The following VAT1L variants were observed in gnomAD, a reference collection of about 807,000 sequenced individuals.
VAT1L encodes the protein putative NADPH-dependent quinone oxidoreductase VAT1L.
VAT1L carries 34 observed loss-of-function variants against 44.1 expected under a neutral mutation model. The observed-to-expected ratio is 0.77, with a 90% CI of 0.59 to 1.03. VAT1L has a LOEUF of 1.03. VAT1L is among the 50% of genes least tolerant of loss of function. The probability of loss-of-function intolerance (pLI) is 0.00; values close to 1 mark genes in which losing one functional copy is unlikely to be tolerated. For missense variants in VAT1L, 615 were observed against 538.8 expected, an observed-to-expected ratio of 1.14 and a Z score of -1.40; for synonymous variants, 253 against 202.2, an observed-to-expected ratio of 1.25 and a Z score of -2.13.
At chr16:77,946,175 C>T (rs2017960324) in intron 7 of VAT1L, among the ~76,000 whole-genome samples, 2 of 151,734 alleles carry the variant, frequency 1.3e-5, no homozygotes, top group Admixed American at 1.3e-4. Flanking sequence ...CTCTTGTACA[C>T]TCATAAGCAT....
At chr16:77,934,994 T>C (rs1011862958) in intron 7 of VAT1L, among the ~76,000 whole-genome samples, 14 of 151,968 alleles carry the variant, frequency 9.2e-5, no homozygotes, top group African/African-American at 3.4e-4. Flanking sequence ...CATCTTTGAG[T>C]ATAGGGGGGA....
chr16:77,899,136 A>G lies in VAT1L; in HGVS notation c.1077+14334A>G, dbSNP rs141884993. ...TAGACTCATGGCAATCCTGTAGGGA[A>G]AGAACTATTATTGCCCCCATTTTAC... is the stretch of plus-strand genomic sequence containing the variant. On this transcript the variant is annotated intron_variant, in intron 7 of 8. Transcript: ENST00000302536. Among the ~76,000 whole-genome samples the G allele has an allele frequency of 7.9e-5, 12 of 152,320 alleles. No homozygotes were observed. The East Asian group carries it at 2.3e-3, about 29-fold the overall frequency.
chr16:77,919,957 G>A (rs2017594228), intron 7 of VAT1L, among the ~76,000 whole-genome samples: 1 of 152,078 alleles, frequency 6.6e-6, no homozygotes, highest in African/African-American at 2.4e-5. Context: ...GGTGGTGGGT[G>A]CCTGTAATCC....
chr16:77,961,718 C>T (rs181224654), intron 7 of VAT1L, among the ~76,000 whole-genome samples: 2 of 152,278 alleles, frequency 1.3e-5, no homozygotes, highest in East Asian at 3.9e-4. Flanking sequence ...AATGCAGCCT[C>T]TTCTCCTTGG....
chr16:77,925,468 G>A (rs1029605273), intron 7 of VAT1L, among the ~76,000 whole-genome samples: 1 of 152,138 alleles, frequency 6.6e-6, no homozygotes, highest in Admixed American at 6.5e-5. Context: ...TTGTTTCGGG[G>A]TATTAAAGAG....
intron 3 of VAT1L, among the ~76,000 whole-genome samples, chr16:77,859,858 T>C (rs1031204292): frequency 3.3e-5 from 5 of 152,074 alleles, no homozygotes; most frequent in African/African-American, 1.2e-4. Context: ...GAGTGTTAAA[T>C]TGCATCCCAC....
At chr16:77,953,195 C>G (rs910873991) in intron 7 of VAT1L, among the ~76,000 whole-genome samples, 2 of 152,152 alleles carry the variant, frequency 1.3e-5, no homozygotes, top group Non-Finnish European at 2.9e-5. Flanking sequence ...GATTCTTTCT[C>G]AGAACCTCCA....
Position 77,945,144 on chromosome 16 carries a change from G to A in VAT1L, c.1078-26706G>A, listed in dbSNP as rs150373640. On this transcript the variant is annotated intron_variant, in intron 7 of 8. Transcript: ENST00000302536. The stretch of plus-strand genomic sequence containing the variant: ...AACCATCCAGAAGCTATCAGACCTA[G>A]TCTGTCCAATCTGTGGGGGCACAAA... Among the ~76,000 whole-genome samples, 296 of 152,272 alleles carry A rather than the reference G, an allele frequency of 1.9e-3. 2 individuals carry two copies. Among genetic ancestry groups the A allele is most frequent in the African/African-American group, 6.6e-3 (273 of 41,560 alleles).
chr16:77,892,426 G>T, intron 7 of VAT1L: 1 of 463,986 alleles, frequency 2.2e-6, no homozygotes, highest in Non-Finnish European at 4.2e-6. Context: ...GCTGCACCAT[G>T]GTCAATCCCA....
intron 1 of VAT1L, chr16:77,801,250 A>G (rs1166062222): frequency 1.3e-5 from 2 of 152,124 alleles, no homozygotes; most frequent in African/African-American, 2.4e-5. Context: ...AAGTGAAGGA[A>G]TTTGCTAACC....
At chr16:77,922,835 C>A (rs2017626602) in intron 7 of VAT1L, among the ~76,000 whole-genome samples, 1 of 152,206 alleles carries the variant, frequency 6.6e-6, no homozygotes, top group Admixed American at 6.5e-5. Context: ...CTTTCCAACC[C>A]ATGCCACTCT....
intron 7 of VAT1L, among the ~76,000 whole-genome samples, chr16:77,955,153 G>A (rs369335130): frequency 4.6e-5 from 7 of 152,196 alleles, no homozygotes; most frequent in East Asian, 3.9e-4. Flanking sequence ...TGGGGCAGGT[G>A]CATGCTCTTC....
chr16:77,815,366 C>T (rs940346922), intron 1 of VAT1L, among the ~76,000 whole-genome samples: 1 of 152,168 alleles, frequency 6.6e-6, no homozygotes, highest in Non-Finnish European at 1.5e-5. Flanking sequence ...TGCTATATTA[C>T]TTTGGGTCTG....
At chr16:77,951,075 C>T (rs1282950601) in intron 7 of VAT1L, among the ~76,000 whole-genome samples, 1 of 152,272 alleles carries the variant, frequency 6.6e-6, no homozygotes, top group African/African-American at 2.4e-5. Context: ...TTAACCTGAT[C>T]AAAGCTTCCA....
chr16:77,837,403 G>A (rs997434817), intron 3 of VAT1L, among the ~76,000 whole-genome samples: 6 of 152,092 alleles, frequency 3.9e-5, no homozygotes, highest in African/African-American at 1.4e-4. Context: ...ACTTCAAGCT[G>A]CTGCATCTAT....
intron 7 of VAT1L, among the ~76,000 whole-genome samples, chr16:77,895,844 G>A (rs1253169329): frequency 6.6e-6 from 1 of 152,234 alleles, no homozygotes; most frequent in Non-Finnish European, 1.5e-5. Flanking sequence ...GAAAGCCTGG[G>A]CCTATGCTTA....
chr16:77,880,387 C>T (rs12447014), intron 6 of VAT1L, among the ~76,000 whole-genome samples: 49,421 of 151,600 alleles, frequency 0.33, 8,695 homozygotes, highest in Middle Eastern at 0.39. Flanking sequence ...TTTGAATTCC[C>T]GGGCTCAAGC....
At chr16:77,859,538 G>A (rs2016894866) in intron 3 of VAT1L, among the ~76,000 whole-genome samples, 1 of 152,140 alleles carries the variant, frequency 6.6e-6, no homozygotes, top group Admixed American at 6.5e-5. Flanking sequence ...ATGGACATTG[G>A]GAAGTCCAAA....
At chr16:77,916,062 C>A (rs2017548886) in intron 7 of VAT1L, among the ~76,000 whole-genome samples, 1 of 152,188 alleles carries the variant, frequency 6.6e-6, no homozygotes, top group South Asian at 2.1e-4. Context: ...CATTAATTCC[C>A]TGGCACTTCT....
Sources: allele counts gnomAD v4.1 joint callset (sites outside exome capture counted in the v4.1 genomes callset), GRCh38; gene constraint gnomAD v4.1.1; transcripts MANE v1.5; gene names NCBI Gene and HGNC (gene_info 2026-07-23, HGNC 2026-07-21).